PGK1: variants seen among roughly 807,000 people sequenced by gnomAD.
PGK1 encodes the protein phosphoglycerate kinase 1.
A neutral mutation model predicts 26.9 loss-of-function variants in PGK1; 3 were observed. That is an observed-to-expected ratio of 0.11 (90% confidence interval 0.05 to 0.29). The LOEUF is 0.29. PGK1 is among the 10% of genes least tolerant of loss of function. The probability of loss-of-function intolerance (pLI) is 1.00; values close to 1 mark genes in which losing one functional copy is unlikely to be tolerated. For missense variants in PGK1, 270 were observed against 314.7 expected, an observed-to-expected ratio of 0.86 and a Z score of 1.07; for synonymous variants, 125 against 115.3, an observed-to-expected ratio of 1.08 and a Z score of -0.54.
At chrX:78,105,124 C>G (rs1336352359) in intron 1 of PGK1, among the ~76,000 whole-genome samples, 10 of 112,377 alleles carry the variant, frequency 8.9e-5, no homozygotes, top group Non-Finnish European at 1.7e-4. Context: ...CTCATCCCCA[C>G]GTGTGGCTAG....
intron 6 of PGK1, among the ~76,000 whole-genome samples, chrX:78,118,610 AAACG>A (rs1364596704): frequency 1.8e-5 from 2 of 110,799 alleles, no homozygotes; most frequent in African/African-American, 3.3e-5. Context: ...ATAAACAAAC[AAACG>A]AACGAACTAC....
intron 9 of PGK1, 123 bp downstream of exon 9, chrX:78,125,174 T>C: frequency 1.3e-6 from 1 of 751,222 alleles, no homozygotes; most frequent in Non-Finnish European, 2.0e-6. Flanking sequence ...GGTAAACAGG[T>C]AGGTAATTTA....
chrX:78,110,515 G>A (rs2078295462), intron 2 of PGK1, among the ~76,000 whole-genome samples: 1 of 109,378 alleles, frequency 9.1e-6, no homozygotes, highest in African/African-American at 3.3e-5. Flanking sequence ...GCTCACATCT[G>A]TAATCCCAGC....
At chrX:78,106,364 C>G in intron 1 of PGK1, 1 of 729,207 alleles carries the variant, frequency 1.4e-6, no homozygotes, top group African/African-American at 2.3e-5. Flanking sequence ...TCTCCCGTAA[C>G]CTGGATACCT....
At chrX:78,104,640 G>C in intron 1 of PGK1, among the ~76,000 whole-genome samples, 1 of 111,534 alleles carries the variant, frequency 9.0e-6, no homozygotes. Context: ...AGGAAGGGCT[G>C]AGATTGCCGC....
chrX:78,106,024 A>G (rs2078270913), intron 1 of PGK1, among the ~76,000 whole-genome samples: 1 of 112,296 alleles, frequency 8.9e-6, no homozygotes, highest in Non-Finnish European at 1.9e-5. Context: ...GTGGGACATT[A>G]TGCTGATAAC....
intron 9 of PGK1, 110 bp from the exon 10 acceptor site, chrX:78,125,217 G>A: frequency 1.4e-6 from 1 of 730,181 alleles, no homozygotes; most frequent in Non-Finnish European, 2.1e-6. Flanking sequence ...AGAGTTGGGG[G>A]TTTATCAGCT....
At chrX:78,124,337 G>C (rs2078371808) in intron 8 of PGK1, among the ~76,000 whole-genome samples, 1 of 111,715 alleles carries the variant, frequency 9.0e-6, no homozygotes, top group Non-Finnish European at 1.9e-5. Context: ...TACCGAATCA[G>C]GAACTGAGGG....
At chrX:78,116,493 C>G (rs782203356) in intron 4 of PGK1, among the ~76,000 whole-genome samples, 5 of 112,006 alleles carry the variant, frequency 4.5e-5, no homozygotes, top group African/African-American at 1.6e-4. Context: ...TAGGAGTGGG[C>G]AGTGACTTAA....
chrX:78,116,413 T>C (rs1407338773), intron 4 of PGK1, among the ~76,000 whole-genome samples: 2 of 112,394 alleles, frequency 1.8e-5, no homozygotes, highest in African/African-American at 6.5e-5. Flanking sequence ...CCTCTGCAAT[T>C]CTTTGGATCT....
At chrX:78,104,984 A>T (rs1305336567) in intron 1 of PGK1, among the ~76,000 whole-genome samples, 2 of 112,371 alleles carry the variant, frequency 1.8e-5, no homozygotes, top group African/African-American at 3.2e-5. Context: ...TGCAGAGCTT[A>T]CGTAACAGGC....
chrX:78,127,801 T>C lies in PGK1; in HGVS notation c.*1971T>C, dbSNP rs1319276485. 8.9e-6 allele frequency: 1 copy of C among 112,673 alleles called. No homozygotes were observed. Among genetic ancestry groups the C allele is most frequent in the Admixed American group, 9.4e-5 (1 of 10,650 alleles). 9.3% of individuals were successfully genotyped at this position (112,673 alleles called of 1,213,427 possible). ...TTAGTTAATACTGTACCCATATTTGTAGTTAATTTTAAATTGTACCATGTT... is the reference window on the plus strand; with the variant it reads ...TTAGTTAATACTGTACCCATATTTGCAGTTAATTTTAAATTGTACCATGTT... On this transcript the variant is annotated 3_prime_UTR_variant, in exon 11 of 11. Coordinates refer to ENST00000373316, the MANE Select transcript of PGK1 (RefSeq NM_000291.4).
In PGK1 at chrX:78,104,267, T is replaced by C. The variant is rs1272799464; in HGVS notation, c.-74T>C. On this transcript the variant is annotated 5_prime_UTR_variant, in exon 1 of 11. Coordinates refer to ENST00000373316, the MANE Select transcript of PGK1 (RefSeq NM_000291.4). Reference sequence around the variant, plus strand: ...CGCGGTGTTCCGCATTCTGCAAGCCTCCGGAGCGCACGTCGGCAGTCGGCT... The same window carrying C: ...CGCGGTGTTCCGCATTCTGCAAGCCCCCGGAGCGCACGTCGGCAGTCGGCT... 26 of 788,055 alleles carry C rather than the reference T, an allele frequency of 3.3e-5. No homozygotes were observed. In the Admixed American group the frequency reaches 3.9e-4, roughly 12 times the overall value. 64.9% of individuals were successfully genotyped at this position (788,055 alleles called of 1,213,427 possible).
At chrX:78,106,359 C>T (rs1603396221) in intron 1 of PGK1, 1 of 722,904 alleles carries the variant, frequency 1.4e-6, no homozygotes, top group East Asian at 1.5e-4. Flanking sequence ...AACTTTCTCC[C>T]GTAACCTGGA....
chrX:78,111,891 A>G (rs782275812), intron 2 of PGK1, among the ~76,000 whole-genome samples: 97 of 112,580 alleles, frequency 8.6e-4, no homozygotes, highest in South Asian at 1.4e-3. Flanking sequence ...CATTAGAAAT[A>G]ATAAAACTTG....
intron 7 of PGK1, 75 bp from the exon 8 acceptor site, chrX:78,123,120 T>G (rs2078364615): frequency 7.2e-6 from 6 of 835,250 alleles, no homozygotes; most frequent in Non-Finnish European, 1.1e-5. Flanking sequence ...TTGTGTCTGG[T>G]TCCTGTCTGC....
rs955661951 is a variant in PGK1 at position 78,113,759 on chromosome X, C to G, written c.132C>G (p.Val44=). Residue 44 remains valine (V), a synonymous_variant, in exon 3 of 11, where the codon GTC becomes GTG. Transcript: ENST00000373316. ...TTGGTTGCAGGATTAAGGCTGCTGT[C>G]CCAAGCATCAAATTCTGCTTGGACA... The part of the protein sequence containing the change: ...ITNNQRIKAA[V]PSIKFCLDNG... 2 of 1,207,919 alleles carry G rather than the reference C, an allele frequency of 1.7e-6. No individual in the cohort carries two copies. Among genetic ancestry groups the G allele is most frequent in the African/African-American group, 3.5e-5 (2 of 57,132 alleles).
At chrX:78,125,134 A>C in intron 9 of PGK1, 83 bp downstream of exon 9, 1 of 870,554 alleles carries the variant, frequency 1.1e-6, no homozygotes, top group Non-Finnish European at 1.7e-6. Flanking sequence ...AACTTCTTCT[A>C]TGTCTCTTTA....
At chrX:78,123,992 C>G (rs1372618606) in intron 8 of PGK1, among the ~76,000 whole-genome samples, 1 of 111,354 alleles carries the variant, frequency 9.0e-6, no homozygotes, top group African/African-American at 3.3e-5. Context: ...CATGTACTTT[C>G]ATGGTTTGGG....
Sources: allele counts gnomAD v4.1 joint callset (sites outside exome capture counted in the v4.1 genomes callset), GRCh38; gene constraint gnomAD v4.1.1; transcripts MANE v1.5; gene names NCBI Gene and HGNC (gene_info 2026-07-23, HGNC 2026-07-21).